Variants in ATRNL1 observed in about 807,000 individuals in gnomAD.
ATRNL1 encodes attractin-like protein 1.
ATRNL1 carries 95 observed loss-of-function variants against 182.7 expected under a neutral mutation model. That is an observed-to-expected ratio of 0.52 (90% CI 0.44 to 0.62). The LOEUF is 0.62. Ranked by LOEUF, ATRNL1 falls within the 20% of genes least tolerant of loss-of-function variation. ATRNL1 has a pLI of 0.00. For missense variants in ATRNL1, 1,471 were observed against 1,679.5 expected, an observed-to-expected ratio of 0.88 and a Z score of 2.17; for synonymous variants, 576 against 568.3, an observed-to-expected ratio of 1.01 and a Z score of -0.19.
chr10:115,299,797 A>G (rs10885683), intron 15 of ATRNL1, among the ~76,000 whole-genome samples: 33,092 of 152,090 alleles, frequency 0.22, 4,600 homozygotes, highest in Non-Finnish European at 0.31. Flanking sequence ...GGCTAAATAA[A>G]TTATTCCAAT....
chr10:115,147,843 A>G (rs1456378927), intron 5 of ATRNL1, among the ~76,000 whole-genome samples: 1 of 152,172 alleles, frequency 6.6e-6, no homozygotes, highest in Non-Finnish European at 1.5e-5. Context: ...TACCAGTACC[A>G]TGCTGTTTTG....
chr10:115,868,819 A>ATTTTTTTTTTTTTT (rs1555105343), intron 28 of ATRNL1, among the ~76,000 whole-genome samples: 7 of 98,274 alleles, frequency 7.1e-5, no homozygotes, highest in South Asian at 3.9e-4. Flanking sequence ...GCAAGTCTTT[A>ATTTTTTTTTTTTTT]TTCTTTTTTT....
At chr10:115,882,107 A>G (rs1276498725) in intron 28 of ATRNL1, among the ~76,000 whole-genome samples, 2 of 152,274 alleles carry the variant, frequency 1.3e-5, no homozygotes, top group Admixed American at 1.3e-4. Flanking sequence ...TGAGACCAAC[A>G]CGTCCAGGCC....
chr10:115,386,170 A>G (rs1000883142), intron 19 of ATRNL1, among the ~76,000 whole-genome samples: 4 of 152,058 alleles, frequency 2.6e-5, no homozygotes, highest in Non-Finnish European at 5.9e-5. Flanking sequence ...CCAATACGTA[A>G]TTTTCTAATT....
chr10:115,426,130 A>C (rs544391183), intron 20 of ATRNL1, 120 bp from the exon 21 acceptor site: 3 of 667,194 alleles, frequency 4.5e-6, no homozygotes, highest in Non-Finnish European at 7.4e-6. Flanking sequence ...GAAATTTCAA[A>C]TAATGGTATA....
intron 24 of ATRNL1, among the ~76,000 whole-genome samples, chr10:115,475,295 T>C (rs113696487): frequency 1.8e-3 from 271 of 151,664 alleles, no homozygotes; most frequent in African/African-American, 6.2e-3. Flanking sequence ...ATTTTAATTA[T>C]GCATGAAATG....
At chr10:115,791,938 T>A (rs1949541592) in intron 27 of ATRNL1, among the ~76,000 whole-genome samples, 1 of 152,200 alleles carries the variant, frequency 6.6e-6, no homozygotes, top group Non-Finnish European at 1.5e-5. Flanking sequence ...TTACCTATTC[T>A]AGTAACAGAA....
intron 26 of ATRNL1, among the ~76,000 whole-genome samples, chr10:115,552,448 A>G (rs1400966973): frequency 2.0e-5 from 3 of 151,406 alleles, no homozygotes; most frequent in East Asian, 3.9e-4. Context: ...ACAGTAAATG[A>G]AAGTTACTTA....
At chr10:115,521,929 A>G (rs534940563) in intron 25 of ATRNL1, among the ~76,000 whole-genome samples, 2 of 152,318 alleles carry the variant, frequency 1.3e-5, no homozygotes, top group East Asian at 3.9e-4. Context: ...AGACCCCTCA[A>G]TCAGGCCATT....
intron 24 of ATRNL1, among the ~76,000 whole-genome samples, chr10:115,489,539 G>T (rs1476963379): frequency 6.6e-6 from 1 of 152,038 alleles, no homozygotes; most frequent in Non-Finnish European, 1.5e-5. Context: ...CAGAGACTAG[G>T]GTTGCAACCT....
At chr10:115,265,071 T>A in intron 10 of ATRNL1, 122 bp from the exon 11 acceptor site, 1 of 380,862 alleles carries the variant, frequency 2.6e-6, no homozygotes, top group South Asian at 5.1e-5. Context: ...TTAATGAGAA[T>A]TTTTTTTTTG....
At chr10:115,573,250 G>C (rs538875443) in intron 26 of ATRNL1, among the ~76,000 whole-genome samples, 2 of 152,100 alleles carry the variant, frequency 1.3e-5, no homozygotes, top group South Asian at 2.1e-4. Context: ...GGTGATCTTC[G>C]TCTGGAGTTG....
intron 9 of ATRNL1, among the ~76,000 whole-genome samples, chr10:115,217,733 A>G (rs1460436266): frequency 6.6e-6 from 1 of 152,226 alleles, no homozygotes; most frequent in African/African-American, 2.4e-5. Flanking sequence ...ATGTAAAACA[A>G]TTTACTAAAA....
intron 10 of ATRNL1, among the ~76,000 whole-genome samples, chr10:115,259,721 T>C (rs1160390488): frequency 1.3e-5 from 2 of 152,226 alleles, no homozygotes; most frequent in Non-Finnish European, 2.9e-5. Context: ...AGCTGCAGAC[T>C]GGAGCTGTTC....
intron 27 of ATRNL1, among the ~76,000 whole-genome samples, chr10:115,786,656 AG>A (rs1949403924): frequency 6.6e-6 from 1 of 152,180 alleles, no homozygotes; most frequent in Non-Finnish European, 1.5e-5. Context: ...TTTCCAAGTG[AG>A]GTCACATTCT....
chr10:115,843,661 G>T (rs1555097907), intron 27 of ATRNL1, among the ~76,000 whole-genome samples: 2 of 152,018 alleles, frequency 1.3e-5, no homozygotes, highest in African/African-American at 2.4e-5. Flanking sequence ...AATAGAGCTT[G>T]TGCAGAATAA....
chr10:115,118,300 C>T (rs1242176374), intron 1 of ATRNL1, among the ~76,000 whole-genome samples: 3 of 151,978 alleles, frequency 2.0e-5, no homozygotes, highest in Non-Finnish European at 2.9e-5. Flanking sequence ...GAGAGTTTCC[C>T]CAATGTTTTC....
intron 28 of ATRNL1, among the ~76,000 whole-genome samples, chr10:115,892,926 A>G (rs1347334191): frequency 1.3e-5 from 2 of 152,262 alleles, no homozygotes; most frequent in Non-Finnish European, 2.9e-5. Context: ...TTAAAATTAT[A>G]TTAATACTTT....
At chr10:115,765,818 G>A (rs1948843908) in intron 27 of ATRNL1, among the ~76,000 whole-genome samples, 1 of 151,958 alleles carries the variant, frequency 6.6e-6, no homozygotes, top group African/African-American at 2.4e-5. Context: ...TTTTGTGGAG[G>A]GTACTACCTC....
Sources: gnomAD v4.1 joint callset for allele counts (sites outside exome capture counted in the v4.1 genomes callset) on GRCh38, gnomAD v4.1.1 for gene constraint, MANE v1.5 for transcripts, NCBI Gene and HGNC (gene_info 2026-07-23, HGNC 2026-07-21) for gene names.